ARHGAP24: variants seen among roughly 807,000 people sequenced by gnomAD.
ARHGAP24 encodes Rho GTPase activating protein 24, also known as rho GTPase-activating protein 24.
In ARHGAP24, 50 loss-of-function variants were observed where a neutral mutation model predicts 76.4. The observed-to-expected ratio is 0.65, with a 90% CI of 0.52 to 0.83. ARHGAP24 has a LOEUF of 0.83. ARHGAP24 is among the 40% of genes least tolerant of loss of function. The probability of loss-of-function intolerance (pLI) is 0.00; values close to 1 mark genes in which losing one functional copy is unlikely to be tolerated. For synonymous variants in ARHGAP24, 345 were observed against 323.3 expected (o/e 1.07, Z -0.72); for missense variants, 930 against 914.2 (o/e 1.02, Z -0.22).
intron 2 of ARHGAP24, among the ~76,000 whole-genome samples, chr4:85,576,598 C>G (rs1055646638): frequency 6.6e-6 from 1 of 152,086 alleles, no homozygotes; most frequent in Admixed American, 6.6e-5. Context: ...ATATCATCCT[C>G]AAATCTAAAA....
At chr4:85,702,718 T>C (rs1724144240) in intron 2 of ARHGAP24, among the ~76,000 whole-genome samples, 1 of 152,192 alleles carries the variant, frequency 6.6e-6, no homozygotes, top group African/African-American at 2.4e-5. Context: ...AGTTTTGATG[T>C]CCTGTAATGA....
At chr4:85,814,893 C>A (rs4693740) in intron 3 of ARHGAP24, among the ~76,000 whole-genome samples, 100,117 of 152,118 alleles carry the variant, frequency 0.66, 33,380 homozygotes, top group East Asian at 0.88. Context: ...CCTGCAACAA[C>A]CTTCTGCCTG....
chr4:85,564,308 C>T (rs1029695639), intron 1 of ARHGAP24, among the ~76,000 whole-genome samples: 1 of 150,650 alleles, frequency 6.6e-6, no homozygotes, highest in Non-Finnish European at 1.5e-5. Context: ...AAAACAAGCA[C>T]TGTATGTTCT....
chr4:85,853,805 T>C (rs1731382888), intron 3 of ARHGAP24, among the ~76,000 whole-genome samples: 1 of 151,842 alleles, frequency 6.6e-6, no homozygotes, highest in Admixed American at 6.6e-5. Context: ...AGTACAAAAC[T>C]TAGCTGGGCA....
chr4:85,667,632 G>A (rs538877413), intron 2 of ARHGAP24, among the ~76,000 whole-genome samples: 5 of 152,136 alleles, frequency 3.3e-5, no homozygotes, highest in African/African-American at 9.7e-5. Context: ...TTCCTATTCG[G>A]CCATCTTGGC....
chr4:85,665,416 G>A (rs746376847), intron 2 of ARHGAP24, among the ~76,000 whole-genome samples: 8 of 152,170 alleles, frequency 5.3e-5, no homozygotes, highest in Middle Eastern at 3.4e-3. Context: ...GTCTCTGCAC[G>A]TGAGATGGGT....
chr4:85,710,714 C>A (rs917217155), intron 2 of ARHGAP24, among the ~76,000 whole-genome samples: 1 of 152,054 alleles, frequency 6.6e-6, no homozygotes, highest in Non-Finnish European at 1.5e-5. Context: ...AAATACAGGT[C>A]GACATCACTG....
chr4:85,546,787 CTTA>C (rs1285904019), intron 1 of ARHGAP24, among the ~76,000 whole-genome samples: 4 of 152,110 alleles, frequency 2.6e-5, no homozygotes, highest in Admixed American at 2.0e-4. Flanking sequence ...TTTGTTTTTA[CTTA>C]TTATTTTCAC....
chr4:85,752,996 C>G (rs1257534125), intron 3 of ARHGAP24, among the ~76,000 whole-genome samples: 1 of 152,132 alleles, frequency 6.6e-6, no homozygotes, highest in African/African-American at 2.4e-5. Flanking sequence ...ATATTCTTTT[C>G]AGGAGTAGGA....
intron 3 of ARHGAP24, among the ~76,000 whole-genome samples, chr4:85,804,349 G>T (rs1452676): frequency 0.74 from 113,014 of 152,052 alleles, 42,319 homozygotes; most frequent in East Asian, 0.98. Flanking sequence ...ACTGTACTTG[G>T]ATCATCAGTA....
intron 4 of ARHGAP24, among the ~76,000 whole-genome samples, chr4:85,932,113 T>G (rs1019230790): frequency 6.6e-6 from 1 of 152,202 alleles, no homozygotes; most frequent in Non-Finnish European, 1.5e-5. Context: ...CACCATCATA[T>G]ATTATCAGCA....
At chr4:85,491,459 A>G (rs1010651868) in intron 1 of ARHGAP24, among the ~76,000 whole-genome samples, 2 of 152,134 alleles carry the variant, frequency 1.3e-5, no homozygotes, top group Non-Finnish European at 1.5e-5. Flanking sequence ...GGACTTTTTC[A>G]ATTATTTTAA....
intron 2 of ARHGAP24, among the ~76,000 whole-genome samples, chr4:85,678,343 C>A (rs963103722): frequency 1.3e-5 from 2 of 152,178 alleles, no homozygotes; most frequent in African/African-American, 2.4e-5. Flanking sequence ...GTACTCCAGC[C>A]TGGGTGACAA....
chr4:85,695,835 A>C (rs1420242602), intron 2 of ARHGAP24, among the ~76,000 whole-genome samples: 2 of 152,202 alleles, frequency 1.3e-5, no homozygotes, highest in Admixed American at 1.3e-4. Flanking sequence ...GTTACTTCCT[A>C]TCTCAAATCC....
At chr4:85,935,871 C>T (rs1051661902) in intron 4 of ARHGAP24, among the ~76,000 whole-genome samples, 3 of 152,188 alleles carry the variant, frequency 2.0e-5, no homozygotes, top group Non-Finnish European at 4.4e-5. Context: ...TCCTTCCCCC[C>T]TCTGACTTTG....
chr4:85,994,476 A>G (rs1740523019), intron 8 of ARHGAP24, 107 bp from the exon 9 acceptor site: 1 of 1,103,602 alleles, frequency 9.1e-7, no homozygotes, highest in African/African-American at 1.5e-5. Context: ...TGGTACTGAT[A>G]ATAATAATGA....
At chr4:85,541,142 C>CTTTTTTT (rs70948733) in intron 1 of ARHGAP24, among the ~76,000 whole-genome samples, 3 of 49,740 alleles carry the variant, frequency 6.0e-5, no homozygotes, top group Non-Finnish European at 6.3e-5. Flanking sequence ...CATCCATGAC[C>CTTTTTTT]TTTTTTTTTT....
intron 6 of ARHGAP24, 63 bp from the exon 7 acceptor site, chr4:85,974,825 A>T: frequency 6.6e-7 from 1 of 1,507,978 alleles, no homozygotes; most frequent in Non-Finnish European, 9.2e-7. Context: ...GGCCATTTCG[A>T]CTTGCTTTAA....
intron 6 of ARHGAP24, among the ~76,000 whole-genome samples, chr4:85,974,437 T>G (rs1467989810): frequency 1.3e-5 from 2 of 152,204 alleles, no homozygotes; most frequent in African/African-American, 4.8e-5. Flanking sequence ...AAAGATCACT[T>G]TTTTCAATTA....
Sources: gnomAD v4.1 joint callset for allele counts (sites outside exome capture counted in the v4.1 genomes callset) on GRCh38, gnomAD v4.1.1 for gene constraint, MANE v1.5 for transcripts, NCBI Gene and HGNC (gene_info 2026-07-23, HGNC 2026-07-21) for gene names.